Variants in MYH6 observed in about 807,000 individuals in gnomAD.
MYH6 encodes myosin-6.
Under a neutral mutation model 223.2 loss-of-function variants are expected in MYH6, and 126 were observed. The observed-to-expected ratio is 0.56, with a 90% CI of 0.49 to 0.65. MYH6 has a LOEUF of 0.65. MYH6 is among the 30% of genes least tolerant of loss of function. MYH6 has a pLI of 0.00. For missense variants in MYH6, 2,040 were observed against 2,536.4 expected (o/e 0.80, Z 4.20); for synonymous variants, 978 against 1,010.2 (o/e 0.97, Z 0.61).
intron 7 of MYH6, 145 bp downstream of exon 7, chr14:23,404,566 A>G: frequency 9.5e-7 from 1 of 1,057,636 alleles, no homozygotes; most frequent in Non-Finnish European, 1.4e-6. Context: ...TCCTGTCAGG[A>G]AGGTCTTCCA....
intron 7 of MYH6, 39 bp from the exon 8 acceptor site, chr14:23,404,427 C>T: frequency 6.2e-7 from 1 of 1,609,328 alleles, no homozygotes; most frequent in Non-Finnish European, 8.5e-7. Flanking sequence ...CATCCTCCAT[C>T]CACCTCCAGG....
chr14:23,395,773 C>A (rs1292808082), intron 20 of MYH6, among the ~76,000 whole-genome samples: 1 of 152,106 alleles, frequency 6.6e-6, no homozygotes, highest in Non-Finnish European at 1.5e-5. Flanking sequence ...CGTGATCCAC[C>A]CGCCTCGGCC....
chr14:23,399,178 C>T, intron 14 of MYH6, 141 bp from the exon 15 acceptor site: 5 of 1,021,932 alleles, frequency 4.9e-6, no homozygotes, highest in African/African-American at 1.6e-5. Context: ...ACCTCTTACC[C>T]TAAAACAGGA....
rs372671573 is a variant in MYH6, at chr14:23,387,772, T to C, written c.4511A>G (p.Asn1504Ser). The C allele has an allele frequency of 6.2e-7, 1 of 1,613,884 alleles. No homozygotes were observed. Among genetic ancestry groups the C allele is most frequent in the African/African-American group, 1.3e-5 (1 of 74,822 alleles). ...CCCCAGCACACCCTGAAGGTTCTTGTTCTCCCGCTTGAAGGTCTCTAGGTG... is the reference window on the plus strand; with the variant it reads ...CCCCAGCACACCCTGAAGGTTCTTGCTCTCCCGCTTGAAGGTCTCTAGGTG... ...LEHLETFKRE[N>S]KNLQEEISDL... The change falls in exon 31 of 39, where the codon AAC (asparagine) becomes AGC (serine). Residue 1504 changes from asparagine (N) to serine (S), a missense_variant. By Grantham distance (46) the Asn-to-Ser change is conservative. Transcript: ENST00000405093.
Position 23,388,965 on chromosome 14 carries a change from C to T in MYH6, c.4069G>A (p.Ala1357Thr), listed in dbSNP as rs1159105498. 1.2e-6 allele frequency: 2 copies of T among 1,613,666 alleles called. No homozygotes were observed. Among genetic ancestry groups the T allele is most frequent in the African/African-American group, 2.7e-5 (2 of 74,926 alleles). The change falls in exon 29 of 39, where the codon GCC becomes ACC. Residue 1357 changes from alanine to threonine, a missense_variant. Ala to Thr is a moderately conservative substitution (Grantham distance 58). This residue lies in a region of MYH6 where 1,203 missense variants were observed against 1,400.2 expected (regional missense o/e 0.86). Transcript: ENST00000405093. Reference sequence around the variant, plus strand: ...TTGGACAGGACGCGCTGCAGCTCGGCCTTGGCCTCTGTCTCCTCCTCGTAC... The same window carrying T: ...TTGGACAGGACGCGCTGCAGCTCGGTCTTGGCCTCTGTCTCCTCCTCGTAC... ...EQYEEETEAK[A>T]ELQRVLSKAN...
At chr14:23,383,397 C>T (rs1890921222) in intron 36 of MYH6, 77 bp from the exon 37 acceptor site, 2 of 1,166,058 alleles carry the variant, frequency 1.7e-6, no homozygotes, top group East Asian at 2.5e-5. Context: ...CATCATTTTA[C>T]TCTTCTCCCC....
intron 32 of MYH6, 56 bp from the exon 33 acceptor site, chr14:23,386,679 GAGGATGAGA>G: frequency 6.4e-7 from 1 of 1,551,332 alleles, no homozygotes; most frequent in Non-Finnish European, 8.7e-7. Context: ...GGTTGAGAGG[GAGGATGAGA>G]AGATACACGG....
rs762386800 is a variant in MYH6, at chr14:23,393,747, G to A, written c.2847C>T (p.Cys949=). ...CATCAATGTCCTTCTTGAGCTCTGA[G>A]CACTCGTCTTCCAGCTTGCGCTTCT... is the stretch of plus-strand genomic sequence containing the variant. ...TAKKRKLEDE[C]SELKKDIDDL... is the part of the protein sequence containing the mutation. Residue 949 remains cysteine (C), a synonymous_variant, in exon 22 of 39, where the codon TGC becomes TGT. Transcript: ENST00000405093. 1 of 1,614,072 alleles carries A rather than the reference G, an allele frequency of 6.2e-7. No homozygotes were observed. Among genetic ancestry groups the A allele is most frequent in the African/African-American group, 1.3e-5 (1 of 74,926 alleles).
At chr14:23,382,323 A>G in intron 38 of MYH6, 105 bp downstream of exon 38, 1 of 1,537,108 alleles carries the variant, frequency 6.5e-7, no homozygotes, top group South Asian at 1.1e-5. Context: ...TGGGACCCTC[A>G]GAACTGCCTA....
intron 12 of MYH6, 66 bp downstream of exon 12, chr14:23,402,398 T>C (rs1003367154): frequency 6.2e-7 from 1 of 1,603,992 alleles, no homozygotes; most frequent in Non-Finnish European, 8.5e-7. Flanking sequence ...CTCTGGGATC[T>C]GAGTCCCGCA....
chr14:23,399,555 C>T (rs949528555), intron 14 of MYH6, among the ~76,000 whole-genome samples: 1 of 152,000 alleles, frequency 6.6e-6, no homozygotes, highest in East Asian at 2.0e-4. Flanking sequence ...AACGCATGTA[C>T]ACACACACAC....
intron 15 of MYH6, among the ~76,000 whole-genome samples, chr14:23,398,293 G>A (rs996295707): frequency 3.9e-5 from 6 of 152,102 alleles, no homozygotes; most frequent in Non-Finnish European, 2.9e-5. Context: ...TGGGATTACA[G>A]GCGTGAGCCA....
Position 23,389,617 on chromosome 14 carries a change from G to A in MYH6, c.3835C>T (p.Arg1279Ter), listed in dbSNP as rs751426149. The A allele has an allele frequency of 1.2e-6, 2 of 1,614,186 alleles. No homozygotes were observed. The highest frequency in any genetic ancestry group is 1.7e-6 in the Non-Finnish European group (2 of 1,180,042). The stretch of plus-strand genomic sequence containing the variant: ...CCATTCTCGGTCTGCAGCTTGGCTC[G>A]CTGGGTGGTGAAATCATTGAGGGAG... ...QRSLNDFTTQ[R>*]AKLQTENGEL... The change falls in exon 27 of 39, where the codon CGA becomes TGA. Residue 1279 changes from arginine (R) to a stop codon, truncating the protein, a stop_gained. Coordinates refer to ENST00000405093, the MANE Select transcript of MYH6 (RefSeq NM_002471.4). LOFTEE classifies it high-confidence loss of function.
At chr14:23,404,911 C>G in intron 6 of MYH6, 89 bp from the exon 7 acceptor site, 1 of 1,483,398 alleles carries the variant, frequency 6.7e-7, no homozygotes, top group South Asian at 1.1e-5. Flanking sequence ...CCCAGCCTGG[C>G]CATCAGAGCC....
intron 8 of MYH6, among the ~76,000 whole-genome samples, 181 bp from the exon 9 acceptor site, chr14:23,403,959 C>G (rs1891695017): frequency 6.6e-6 from 1 of 152,182 alleles, no homozygotes; most frequent in African/African-American, 2.4e-5. Context: ...GCAGGGACCT[C>G]CTAGTGGAAC....
intron 25 of MYH6, 98 bp from the exon 26 acceptor site, chr14:23,390,544 G>C (rs566058336): frequency 1.7e-4 from 256 of 1,543,234 alleles, no homozygotes; most frequent in Non-Finnish European, 2.1e-4. Context: ...TTCCTCTCAA[G>C]CAGTGGTTCT....
chr14:23,397,932 C>CTCCTCCTCTTCT (rs1891452078), intron 15 of MYH6, among the ~76,000 whole-genome samples: 4 of 90,216 alleles, frequency 4.4e-5, no homozygotes, highest in Admixed American at 1.2e-4. Context: ...CCTCCTCCTC[C>CTCCTCCTCTTCT]TCTTCTTCTT....
rs200323611 is a variant in MYH6 at position 23,394,270 on chromosome 14, T to C, written c.2483A>G (p.Asn828Ser). The C allele has an allele frequency of 5.0e-6, 8 of 1,614,094 alleles. No homozygotes were observed. The highest frequency in any genetic ancestry group is 1.6e-4 in the Middle Eastern group (1 of 6,084). The change falls in exon 21 of 39, where the codon AAT (asparagine) becomes AGT (serine). Residue 828 changes from asparagine to serine, a missense_variant. Physicochemically the swap from Asn to Ser is conservative, Grantham distance 46. This residue lies in a region of MYH6 where 649 missense variants were observed against 877.3 expected (regional missense o/e 0.74). Coordinates refer to ENST00000405093, the MANE Select transcript of MYH6 (RefSeq NM_002471.4). ...GAAGTAGAGCTTCATCCAGGGCCAA[T>C]TCTTGACCCCCATGAAGGCCCGAAT... ...WNIRAFMGVK[N>S]WPWMKLYFKI...
chr14:23,385,458 C>A (rs1462900401), intron 34 of MYH6, among the ~76,000 whole-genome samples: 2 of 149,148 alleles, frequency 1.3e-5, no homozygotes, highest in Admixed American at 6.8e-5. Flanking sequence ...CTCACACATA[C>A]TAGATTAAAG....
Sources: gnomAD v4.1 joint callset for allele counts (sites outside exome capture counted in the v4.1 genomes callset) on GRCh38, gnomAD v4.1.1 for gene constraint, gnomAD v4.1.1 regional missense constraint, MANE v1.5 for transcripts, NCBI Gene and HGNC (gene_info 2026-07-23, HGNC 2026-07-21) for gene names.